The following CIMAP2 variants were observed in gnomAD, a reference collection of about 807,000 sequenced individuals.
CIMAP2 encodes the protein ciliary microtubule associated protein 2, also known as ciliary microtubule-associated protein 2.
the CIMAP2 span, among the ~76,000 whole-genome samples, chr1:54,828,837 G>A: frequency 5.3e-5 from 8 of 152,038 alleles, no homozygotes; most frequent in Admixed American, 3.3e-4. Flanking sequence ...GAAAAGACAC[G>A]ATATTGGAAA....
chr1:54,839,534 C>T, the CIMAP2 span, among the ~76,000 whole-genome samples: 21 of 152,084 alleles, frequency 1.4e-4, no homozygotes, highest in East Asian at 3.7e-3. Flanking sequence ...CCTGCCACCA[C>T]GCCCGACTAA....
chr1:54,811,766 C>CCGGGGGGGGGCCG, the CIMAP2 span: 2 of 1,305,190 alleles, frequency 1.5e-6, no homozygotes, highest in Non-Finnish European at 2.2e-6. Flanking sequence ...GTTCTGACAG[C>CCGGGGGGGGGCCG]CTCCATGCCC....
the CIMAP2 span, among the ~76,000 whole-genome samples, chr1:54,839,473 G>T: frequency 6.6e-6 from 1 of 151,998 alleles, no homozygotes; most frequent in Non-Finnish European, 1.5e-5. Flanking sequence ...TGCCTCCTGG[G>T]TTCAAGCGAT....
At chr1:54,829,660 AT>A in the CIMAP2 span, among the ~76,000 whole-genome samples, 4 of 152,100 alleles carry the variant, frequency 2.6e-5, no homozygotes, top group Admixed American at 2.0e-4. Flanking sequence ...CTCACTGAAA[AT>A]TTCATTTTTG....
the CIMAP2 span, among the ~76,000 whole-genome samples, chr1:54,814,414 G>C: frequency 5.9e-5 from 9 of 152,198 alleles, no homozygotes; most frequent in Non-Finnish European, 1.3e-4. Flanking sequence ...TAGTGTCAAA[G>C]CAGGCCCTCT....
the CIMAP2 span, among the ~76,000 whole-genome samples, chr1:54,838,634 C>T: frequency 6.6e-6 from 1 of 152,114 alleles, no homozygotes; most frequent in Admixed American, 6.5e-5. Flanking sequence ...ACATAACAAA[C>T]CACCCAGAAA....
the CIMAP2 span, among the ~76,000 whole-genome samples, chr1:54,816,251 T>C: frequency 6.6e-6 from 1 of 152,244 alleles, no homozygotes; most frequent in Admixed American, 6.5e-5. Flanking sequence ...TTCTCCCTTG[T>C]GGGAGGCAAC....
the CIMAP2 span, chr1:54,806,910 A>T: frequency 3.2e-6 from 4 of 1,238,310 alleles, no homozygotes; most frequent in East Asian, 9.3e-5. Flanking sequence ...CTTCCCGGGC[A>T]GCCAACTCCC....
At chr1:54,819,927 CA>C in the CIMAP2 span, among the ~76,000 whole-genome samples, 1 of 113,638 alleles carries the variant, frequency 8.8e-6, no homozygotes, top group Admixed American at 9.9e-5. Flanking sequence ...CCCTCCCCCC[CA>C]TATTTCTTTT....
chr1:54,812,239 C>A, the CIMAP2 span: 4 of 1,609,032 alleles, frequency 2.5e-6, no homozygotes, highest in Admixed American at 6.7e-5. Context: ...AGCAGGATGA[C>A]AGGCCTCACT....
the CIMAP2 span, among the ~76,000 whole-genome samples, chr1:54,818,842 C>G: frequency 1.3e-5 from 2 of 152,162 alleles, no homozygotes; most frequent in African/African-American, 2.4e-5. Context: ...ATCTGCCTGT[C>G]TCAGCCTCCC....
At chr1:54,810,199 C>T in the CIMAP2 span, among the ~76,000 whole-genome samples, 1 of 152,186 alleles carries the variant, frequency 6.6e-6, no homozygotes, top group Admixed American at 6.5e-5. Context: ...GCCAACCCAC[C>T]CCGGTGCCTT....
chr1:54,817,107 G>A, the CIMAP2 span: 82 of 1,614,162 alleles, frequency 5.1e-5, no homozygotes, highest in South Asian at 7.0e-4. Context: ...GACCTGGCCC[G>A]GGACATGCTC....
At chr1:54,806,215 C>T in the CIMAP2 span, 3 of 1,534,290 alleles carry the variant, frequency 2.0e-6, no homozygotes, top group Non-Finnish European at 2.6e-6. Context: ...GGGTGCAGAG[C>T]CACAGGTGGG....
the CIMAP2 span, among the ~76,000 whole-genome samples, chr1:54,806,506 T>C: frequency 0.01 from 1,557 of 152,282 alleles, 48 homozygotes; most frequent in East Asian, 0.11. Context: ...AGAGGTCACA[T>C]GGCCTGGTCC....
At chr1:54,819,769 C>T in the CIMAP2 span, among the ~76,000 whole-genome samples, 3 of 144,734 alleles carry the variant, frequency 2.1e-5, no homozygotes, top group Non-Finnish European at 4.6e-5. Flanking sequence ...CCCTACCCTC[C>T]CTCCCTCCCT....
chr1:54,811,765 G>GCCGGGGGGGGCGCCCCCCCCCC, the CIMAP2 span: 2 of 1,301,328 alleles, frequency 1.5e-6, no homozygotes, highest in Non-Finnish European at 2.2e-6. Flanking sequence ...GGTTCTGACA[G>GCCGGGGGGGGCGCCCCCCCCCC]CCTCCATGCC....
the CIMAP2 span, among the ~76,000 whole-genome samples, chr1:54,838,034 A>G: frequency 1.3e-5 from 2 of 151,968 alleles, no homozygotes; most frequent in Non-Finnish European, 2.9e-5. Flanking sequence ...GGCAAATATT[A>G]TATTGAATTT....
chr1:54,841,248 A>G, the CIMAP2 span, among the ~76,000 whole-genome samples: 2 of 152,252 alleles, frequency 1.3e-5, no homozygotes, highest in African/African-American at 2.4e-5. Flanking sequence ...AAACAGATAC[A>G]TAAAGTGTGT....
Sources: gnomAD v4.1 joint callset for allele counts (sites outside exome capture counted in the v4.1 genomes callset) on GRCh38, gnomAD v4.1.1 for gene constraint, MANE v1.5 for transcripts, NCBI Gene and HGNC (gene_info 2026-07-23, HGNC 2026-07-21) for gene names.